The following DPF3 variants were observed in gnomAD, a reference collection of about 807,000 sequenced individuals.
DPF3 encodes double PHD fingers 3.
In DPF3, 18 loss-of-function variants were observed where a neutral mutation model predicts 56.8. The observed-to-expected ratio is 0.32, with a 90% CI of 0.22 to 0.47. The LOEUF is 0.47. DPF3 is among the 20% of genes least tolerant of loss of function. DPF3 has a pLI of 1.00. For synonymous variants in DPF3, 188 were observed against 180.2 expected (o/e 1.04, Z -0.35); for missense variants, 403 against 488.8 (o/e 0.82, Z 1.65).
chr14:72,832,179 T>C (rs1248334196), intron 1 of DPF3, among the ~76,000 whole-genome samples: 1 of 152,150 alleles, frequency 6.6e-6, no homozygotes, highest in Non-Finnish European at 1.5e-5. Context: ...ATTGCACTAC[T>C]GCACTCTAGC....
chr14:72,732,826 C>G (rs891553997), intron 3 of DPF3, among the ~76,000 whole-genome samples: 1 of 151,858 alleles, frequency 6.6e-6, no homozygotes, highest in Non-Finnish European at 1.5e-5. Flanking sequence ...TCTTTCCTTC[C>G]CTCCTTTCTT....
At chr14:72,862,675 C>T (rs1314501831) in intron 1 of DPF3, among the ~76,000 whole-genome samples, 1 of 152,138 alleles carries the variant, frequency 6.6e-6, no homozygotes, top group Non-Finnish European at 1.5e-5. Flanking sequence ...ATGCCTCCAC[C>T]TCTGGACCTT....
intron 1 of DPF3, among the ~76,000 whole-genome samples, chr14:72,883,079 T>C (rs951976085): frequency 6.6e-6 from 1 of 152,222 alleles, no homozygotes; most frequent in Non-Finnish European, 1.5e-5. Flanking sequence ...TGTGCTCAAC[T>C]GGCAGCCAAA....
At chr14:72,809,512 C>T (rs1054598889) in intron 1 of DPF3, among the ~76,000 whole-genome samples, 1 of 152,234 alleles carries the variant, frequency 6.6e-6, no homozygotes, top group Non-Finnish European at 1.5e-5. Flanking sequence ...TCCACCAGCA[C>T]TCCTGAGGCC....
intron 3 of DPF3, among the ~76,000 whole-genome samples, chr14:72,738,697 G>A (rs1279979382): frequency 6.6e-6 from 1 of 152,168 alleles, no homozygotes; most frequent in Non-Finnish European, 1.5e-5. Flanking sequence ...ATATGTTCTG[G>A]AGATCTGTTG....
chr14:72,769,537 G>A (rs1385876447), intron 2 of DPF3, among the ~76,000 whole-genome samples: 4 of 151,996 alleles, frequency 2.6e-5, no homozygotes, highest in South Asian at 2.1e-4. Flanking sequence ...AAAATTAGCT[G>A]GGTGTGGTGG....
At chr14:72,634,650 G>GTAT (rs1017292485) in intron 8 of DPF3, among the ~76,000 whole-genome samples, 42 of 149,866 alleles carry the variant, frequency 2.8e-4, no homozygotes, top group African/African-American at 1.0e-3. Flanking sequence ...ATTCTCTAGG[G>GTAT]TATTAGGCTG....
At chr14:72,743,778 T>A (rs1314959566) in intron 3 of DPF3, among the ~76,000 whole-genome samples, 1 of 152,198 alleles carries the variant, frequency 6.6e-6, no homozygotes, top group Non-Finnish European at 1.5e-5. Flanking sequence ...GCCCTTTTCC[T>A]GGGGAGATGG....
intron 8 of DPF3, among the ~76,000 whole-genome samples, chr14:72,646,075 C>T (rs1209096664): frequency 6.6e-6 from 1 of 152,194 alleles, no homozygotes; most frequent in Non-Finnish European, 1.5e-5. Context: ...AACTCACTCC[C>T]TTTCTGGGAC....
intron 2 of DPF3, among the ~76,000 whole-genome samples, chr14:72,762,124 A>G (rs1891090751): frequency 6.6e-6 from 1 of 151,910 alleles, no homozygotes; most frequent in Non-Finnish European, 1.5e-5. Flanking sequence ...TATTTATGGA[A>G]GAAATAATAC....
At chr14:72,879,909 G>T (rs1240417701) in intron 1 of DPF3, 2 of 1,514,652 alleles carry the variant, frequency 1.3e-6, no homozygotes, top group Non-Finnish European at 1.8e-6. Context: ...TGTTTTCCGG[G>T]GAGATGATCC....
chr14:72,756,906 A>AAAGAAAGAAAGAAAGAAAGAAAG (rs1481374037), intron 2 of DPF3, among the ~76,000 whole-genome samples: 31 of 74,706 alleles, frequency 4.1e-4, no homozygotes, highest in Non-Finnish European at 6.2e-4. Context: ...AGAAAAGAAA[A>AAAGAAAGAAAGAAAGAAAGAAAG]AAAGAAAGAA....
At chr14:72,820,410 C>T (rs561639606) in intron 1 of DPF3, among the ~76,000 whole-genome samples, 1 of 152,266 alleles carries the variant, frequency 6.6e-6, no homozygotes, top group Admixed American at 6.5e-5. Context: ...GAGCAAATTT[C>T]ACCTATCAAA....
chr14:72,630,027 G>A (rs377163142), intron 8 of DPF3, among the ~76,000 whole-genome samples: 5 of 152,156 alleles, frequency 3.3e-5, no homozygotes, highest in South Asian at 2.1e-4. Flanking sequence ...CAGAGAGAAC[G>A]AGAGAGGAAA....
chr14:72,799,908 G>C (rs1892802065), intron 1 of DPF3, among the ~76,000 whole-genome samples: 1 of 152,070 alleles, frequency 6.6e-6, no homozygotes, highest in Non-Finnish European at 1.5e-5. Flanking sequence ...AGAGATGGAG[G>C]GAGTCAAGAG....
intron 5 of DPF3, among the ~76,000 whole-genome samples, chr14:72,716,751 T>A (rs1412246616): frequency 6.6e-6 from 1 of 152,168 alleles, no homozygotes; most frequent in African/African-American, 2.4e-5. Flanking sequence ...AGCGAGTCAG[T>A]CATCTCTGGT....
chr14:72,710,752 T>A (rs1888620110), intron 6 of DPF3, among the ~76,000 whole-genome samples: 1 of 152,222 alleles, frequency 6.6e-6, no homozygotes, highest in South Asian at 2.1e-4. Context: ...TTTTTGTGCA[T>A]AAGAAACACT....
intron 8 of DPF3, among the ~76,000 whole-genome samples, chr14:72,638,493 G>A (rs1885448844): frequency 6.6e-6 from 1 of 151,308 alleles, no homozygotes; most frequent in African/African-American, 2.4e-5. Flanking sequence ...ACATCCAGGA[G>A]AATTTCAAAA....
chr14:72,791,333 C>T (rs9635257), intron 1 of DPF3, among the ~76,000 whole-genome samples: 12,656 of 152,362 alleles, frequency 0.083, 778 homozygotes, highest in South Asian at 0.21. Flanking sequence ...CCGCTGCCCC[C>T]TGGTCACTGC....
Sources: gnomAD v4.1 joint callset for allele counts (sites outside exome capture counted in the v4.1 genomes callset) on GRCh38, gnomAD v4.1.1 for gene constraint, MANE v1.5 for transcripts, NCBI Gene and HGNC (gene_info 2026-07-23, HGNC 2026-07-21) for gene names.